Variants in TANC2 observed in about 807,000 individuals in gnomAD.
The protein encoded by TANC2 is tetratricopeptide repeat, ankyrin repeat and coiled-coil containing 2, also known as protein TANC2.
A neutral mutation model predicts 210.5 loss-of-function variants in TANC2; 26 were observed. That is an observed-to-expected ratio of 0.12 (90% CI 0.09 to 0.17). The LOEUF (loss-of-function observed/expected upper bound fraction) is 0.17. TANC2 is among the 10% of genes least tolerant of loss of function. The probability of loss-of-function intolerance (pLI) is 1.00; values close to 1 mark genes in which losing one functional copy is unlikely to be tolerated. For synonymous variants in TANC2, 931 were observed against 967.1 expected (o/e 0.96, Z 0.69); for missense variants, 2,129 against 2,608.9 (o/e 0.82, Z 4.01).
Position 62,974,116 on chromosome 17 carries a change from T to C in TANC2, c.-24+7367T>C, listed in dbSNP as rs114449664. Among the ~76,000 whole-genome samples the C allele has an allele frequency of 4.2e-3, 644 of 152,318 alleles. 6 individuals carry two copies. Among genetic ancestry groups the C allele is most frequent in the African/African-American group, 0.014 (563 of 41,572 alleles). On this transcript the variant is annotated intron_variant, in intron 1 of 27. Coordinates refer to ENST00000689528, the Ensembl canonical transcript of TANC2. ...CGTTGAATATCATGAGTTGGAGATA[T>C]ACCAGCTACTTTTTTGAAGGGCTTC... is the stretch of plus-strand genomic sequence containing the variant.
intron 11 of TANC2, chr17:63,339,014 A>T (rs2046132588): frequency 6.6e-6 from 1 of 152,298 alleles, no homozygotes; most frequent in African/African-American, 2.4e-5. Context: ...GCTGGAGTTC[A>T]TATGTCTATG....
At chr17:63,283,267 TATTC>T (rs1474537290) in intron 9 of TANC2, among the ~76,000 whole-genome samples, 1 of 152,016 alleles carries the variant, frequency 6.6e-6, no homozygotes, top group Non-Finnish European at 1.5e-5. Context: ...TGTTAAAAAT[TATTC>T]ATCCATAGAT....
chr17:63,064,530 A>T (rs986375170), intron 2 of TANC2, among the ~76,000 whole-genome samples: 1 of 152,220 alleles, frequency 6.6e-6, no homozygotes, highest in Admixed American at 6.5e-5. Context: ...AATTACTTTT[A>T]AAGTATCTCT....
At chr17:62,996,994 T>TTTTTTTTTTTTTTTTTTTG (rs2033144497) in intron 1 of TANC2, among the ~76,000 whole-genome samples, 7 of 143,658 alleles carry the variant, frequency 4.9e-5, no homozygotes, top group African/African-American at 1.4e-4. Flanking sequence ...TTTGTATTTT[T>TTTTTTTTTTTTTTTTTTTG]AGTATAGATG....
chr17:63,285,680 A>G (rs932342197), intron 9 of TANC2, among the ~76,000 whole-genome samples: 2 of 152,204 alleles, frequency 1.3e-5, no homozygotes, highest in African/African-American at 4.8e-5. Flanking sequence ...TAAGTCACAC[A>G]ACATACACTC....
chr17:63,151,433 C>A, intron 5 of TANC2, 53 bp downstream of exon 5: 3 of 886,924 alleles, frequency 3.4e-6, no homozygotes, highest in Non-Finnish European at 4.1e-6. Flanking sequence ...TGGATCAGGC[C>A]CATCCAGCAG....
intron 9 of TANC2, among the ~76,000 whole-genome samples, chr17:63,312,484 A>G (rs1267494543): frequency 1.3e-5 from 2 of 152,328 alleles, no homozygotes; most frequent in African/African-American, 2.4e-5. Context: ...ACCAAATTCT[A>G]CATGTCCTCA....
chr17:63,276,212 A>C (rs1889180224), intron 9 of TANC2, among the ~76,000 whole-genome samples: 1 of 152,170 alleles, frequency 6.6e-6, no homozygotes, highest in Non-Finnish European at 1.5e-5. Flanking sequence ...AGGCTATTTC[A>C]TCAATGAGAG....
chr17:63,151,016 T>C (rs2039631182), intron 4 of TANC2: 3 of 150,554 alleles, frequency 2.0e-5, no homozygotes, highest in Non-Finnish European at 4.4e-5. Flanking sequence ...CCATCTCCTC[T>C]ATGAAGAATG....
At chr17:63,107,393 T>C (rs2037867982) in intron 4 of TANC2, among the ~76,000 whole-genome samples, 1 of 151,708 alleles carries the variant, frequency 6.6e-6, no homozygotes, top group South Asian at 2.1e-4. Flanking sequence ...AAAAGTTTTA[T>C]TTGATATTTT....
At chr17:63,235,497 A>C (rs1319628559) in intron 7 of TANC2, among the ~76,000 whole-genome samples, 1 of 151,998 alleles carries the variant, frequency 6.6e-6, no homozygotes, top group African/African-American at 2.4e-5. Context: ...TAAGTTTATA[A>C]AATTTTCCCT....
intron 11 of TANC2, chr17:63,331,995 A>G (rs926607780): frequency 7.0e-6 from 2 of 286,600 alleles, no homozygotes; most frequent in African/African-American, 4.5e-5. Context: ...TACTTCTTCA[A>G]GATCTTCGAT....
chr17:63,004,520 A>G lies in TANC2; in HGVS notation c.-23-5017A>G, dbSNP rs1159131382. On this transcript the variant is annotated intron_variant, in intron 1 of 27. Coordinates refer to ENST00000689528, the Ensembl canonical transcript of TANC2. ...CTTACATCAATCCAGCTTTGGATAC[A>G]TTCTAGTAGTGATATATGCCTCTTC... 4.0e-5 allele frequency among the ~76,000 whole-genome samples: 6 copies of G among 151,740 alleles called. No individual in the cohort carries two copies. In the East Asian group the frequency reaches 1.2e-3, roughly 29 times the overall value.
chr17:63,386,050 G>A (rs1475728969), intron 15 of TANC2, among the ~76,000 whole-genome samples: 1 of 152,174 alleles, frequency 6.6e-6, no homozygotes, highest in Non-Finnish European at 1.5e-5. Flanking sequence ...AACACTTGCA[G>A]CCACTTTGAT....
intron 5 of TANC2, among the ~76,000 whole-genome samples, chr17:63,184,258 A>G (rs1332326309): frequency 6.6e-6 from 1 of 152,222 alleles, no homozygotes. Flanking sequence ...CAACTTAAAT[A>G]GTATTAAAAT....
chr17:63,319,669 C>A (rs1030590315), intron 11 of TANC2, among the ~76,000 whole-genome samples: 2 of 152,170 alleles, frequency 1.3e-5, no homozygotes, highest in African/African-American at 2.4e-5. Flanking sequence ...TATGTTTTAC[C>A]CAACATCAGG....
intron 9 of TANC2, among the ~76,000 whole-genome samples, chr17:63,306,293 G>A (rs1036990745): frequency 2.0e-5 from 3 of 152,112 alleles, no homozygotes; most frequent in African/African-American, 7.2e-5. Context: ...TTAAATAGCA[G>A]GAACTTTCAT....
At chr17:63,151,847 A>G (rs1440061675) in intron 5 of TANC2, 6 of 152,170 alleles carry the variant, frequency 3.9e-5, no homozygotes, top group African/African-American at 1.4e-4. Context: ...GATGCTGGAA[A>G]CATTAAACTT....
In TANC2 at chr17:62,975,539, C is replaced by T. The variant is rs550273026; in HGVS notation, c.-24+8790C>T. 5.4e-5 allele frequency among the ~76,000 whole-genome samples: 8 copies of T among 149,496 alleles called. No individual in the cohort carries two copies. The East Asian group carries it at 7.8e-4, about 15-fold the overall frequency. The stretch of plus-strand genomic sequence containing the variant: ...ATCAGAGAATCAGCTTTTCCATTTT[C>T]GGGCTTTTTTTTTTAATTTTTTTTT... On this transcript the variant is annotated intron_variant, in intron 1 of 27. Coordinates refer to ENST00000689528, the Ensembl canonical transcript of TANC2.
Sources: gnomAD v4.1 joint callset for allele counts (sites outside exome capture counted in the v4.1 genomes callset) on GRCh38, gnomAD v4.1.1 for gene constraint, MANE v1.5 for transcripts, NCBI Gene and HGNC (gene_info 2026-07-23, HGNC 2026-07-21) for gene names.